The following EYA1 variants were observed in gnomAD, a reference collection of about 807,000 sequenced individuals.
EYA1 encodes EYA transcriptional coactivator and phosphatase 1, also known as protein phosphatase EYA1.
EYA1 carries 16 observed loss-of-function variants against 82.0 expected under a neutral mutation model. That is an observed-to-expected ratio of 0.20 (90% CI 0.13 to 0.30). The LOEUF is 0.30. Among genes scored for constraint, EYA1 ranks in the 10% least tolerant of loss-of-function variants. The pLI, the probability that EYA1 is intolerant of heterozygous loss-of-function variation, is 1.00. For missense variants in EYA1, 633 were observed against 730.7 expected, an observed-to-expected ratio of 0.87 and a Z score of 1.54; for synonymous variants, 261 against 264.4, an observed-to-expected ratio of 0.99 and a Z score of 0.12.
intron 2 of EYA1, among the ~76,000 whole-genome samples, chr8:71,491,149 G>C (rs192431001): frequency 6.1e-4 from 93 of 152,288 alleles, no homozygotes; most frequent in African/African-American, 2.2e-3. Flanking sequence ...CATCTGCAAG[G>C]CCATATGGCT....
chr8:71,319,784 TCTTC>T (rs1822330070), intron 6 of EYA1, among the ~76,000 whole-genome samples: 1 of 152,306 alleles, frequency 6.6e-6, no homozygotes, highest in East Asian at 1.9e-4. Flanking sequence ...AGCTATGTGC[TCTTC>T]CTTCATGAAT....
chr8:71,347,772 TAAGAA>T (rs1315063647), intron 3 of EYA1, among the ~76,000 whole-genome samples: 2 of 150,646 alleles, frequency 1.3e-5, no homozygotes, highest in Non-Finnish European at 2.9e-5. Flanking sequence ...GTTACAATGT[TAAGAA>T]AAAAGTTCCC....
intron 2 of EYA1, among the ~76,000 whole-genome samples, chr8:71,496,140 G>A (rs567601818): frequency 1.3e-5 from 2 of 152,242 alleles, no homozygotes; most frequent in East Asian, 1.9e-4. Flanking sequence ...TCTAAGAAGA[G>A]GTCATATAAT....
intron 3 of EYA1, among the ~76,000 whole-genome samples, chr8:71,344,459 A>G (rs1825492507): frequency 6.6e-6 from 1 of 152,202 alleles, no homozygotes; most frequent in Non-Finnish European, 1.5e-5. Context: ...CAAGCAGTAC[A>G]TTGTTTGCTC....
intron 2 of EYA1, among the ~76,000 whole-genome samples, chr8:71,429,998 A>T (rs1805504788): frequency 6.6e-6 from 1 of 152,216 alleles, no homozygotes; most frequent in South Asian, 2.1e-4. Flanking sequence ...CTTACTTTAA[A>T]ATGCAAGTAA....
intron 2 of EYA1, among the ~76,000 whole-genome samples, chr8:71,406,763 A>T (rs541117699): frequency 6.6e-6 from 1 of 150,400 alleles, no homozygotes; most frequent in East Asian, 2.0e-4. Context: ...CAGCAGTCTG[A>T]GATCAAACTG....
At chr8:71,412,874 C>T (rs1252822785) in intron 2 of EYA1, among the ~76,000 whole-genome samples, 3 of 152,190 alleles carry the variant, frequency 2.0e-5, no homozygotes, top group Admixed American at 1.3e-4. Flanking sequence ...TCAAGGTTCT[C>T]TTCTGATATT....
intron 9 of EYA1, among the ~76,000 whole-genome samples, chr8:71,280,229 A>G (rs867677789): frequency 6.6e-6 from 1 of 152,218 alleles, no homozygotes; most frequent in Non-Finnish European, 1.5e-5. Flanking sequence ...TGACACCAGA[A>G]AATGAGCTAA....
chr8:71,462,871 C>G (rs1808474121), intron 2 of EYA1, among the ~76,000 whole-genome samples: 1 of 152,202 alleles, frequency 6.6e-6, no homozygotes, highest in Non-Finnish European at 1.5e-5. Flanking sequence ...ACTCCTGGCA[C>G]CATTGGCTGC....
At chr8:71,321,687 C>A in intron 6 of EYA1, 47 bp downstream of exon 6, 1 of 1,605,348 alleles carries the variant, frequency 6.2e-7, no homozygotes, top group Non-Finnish European at 8.5e-7. Flanking sequence ...TGTTAATACA[C>A]GCATGCCCAT....
At chr8:71,363,456 AC>A (rs1490097969), upstream of EYA1, among the ~76,000 whole-genome samples, 1 of 152,138 alleles carries the variant, frequency 6.6e-6, no homozygotes, top group Non-Finnish European at 1.5e-5. Flanking sequence ...CTGCAAACTC[AC>A]CTAGGATTTC....
chr8:71,546,220 C>T (rs538178125), intron 1 of EYA1, among the ~76,000 whole-genome samples: 3 of 152,248 alleles, frequency 2.0e-5, no homozygotes, highest in African/African-American at 7.2e-5. Flanking sequence ...TTTCCCCATC[C>T]GAGTACCAGT....
chr8:71,519,361 TAA>T (rs776786262), intron 2 of EYA1, among the ~76,000 whole-genome samples: 69 of 152,192 alleles, frequency 4.5e-4, no homozygotes, highest in Non-Finnish European at 9.0e-4. Flanking sequence ...TTAATAAAAT[TAA>T]GATTAAAATA....
rs139429307 is a variant in EYA1 at position 71,271,754 on chromosome 8, G to A, written c.966+4C>T. ...TATTCACTTGGGTGTTGGCTATGAC[G>A]TACCTCAAGATCAGAATCTGGGGGA... On this transcript the variant is annotated splice_donor_region_variant and intron_variant, in intron 10 of 17. Coordinates refer to ENST00000340726, the MANE Select transcript of EYA1 (RefSeq NM_000503.6). The A allele has an allele frequency of 2.7e-4, 430 of 1,614,138 alleles. 1 individual carries two copies. In the East Asian group the frequency reaches 8.3e-3, roughly 31 times the overall value.
intron 11 of EYA1, among the ~76,000 whole-genome samples, chr8:71,267,796 C>T (rs1488897063): frequency 2.0e-5 from 3 of 152,196 alleles, no homozygotes; most frequent in African/African-American, 7.2e-5. Flanking sequence ...GATCCACCCG[C>T]CTTGGCCTCC....
chr8:71,308,536 G>A (rs534538953), intron 7 of EYA1, among the ~76,000 whole-genome samples: 3 of 151,668 alleles, frequency 2.0e-5, no homozygotes, highest in Non-Finnish European at 2.9e-5. Context: ...AGCAATTTTA[G>A]TTTTAAAACA....
chr8:71,425,104 C>CAAAAAAAAAAAAAAAAAAA lies in EYA1; in HGVS notation c.34-68612_34-68594dup, dbSNP rs71264555. 2.7e-5 allele frequency among the ~76,000 whole-genome samples: 2 copies of CAAAAAAAAAAAAAAAAAAA among 75,290 alleles called. 1 individual carries two copies. 49.4% of individuals were successfully genotyped at this position (75,290 alleles called of 152,430 possible). On this transcript the variant is annotated intron_variant, in intron 2 of 18. Transcript: ENST00000643681. Reference sequence around the variant, plus strand: ...TGAAACCCTGTCTCCACTAAAAATACAAAAAAAAAAAAAAAAAAAAAAAAA... The same window carrying CAAAAAAAAAAAAAAAAAAA: ...TGAAACCCTGTCTCCACTAAAAATACAAAAAAAAAAAAAAAAAAAAAAAAAAAAAAAAAAAAAAAAAAAA...
In EYA1 at chr8:71,423,237, C is replaced by A. The variant is rs73687710; in HGVS notation, c.34-66726G>T. ...GCAAAACTAAGTTGATAAAAACATT[C>A]TCAAAGATTGAATGTAAATCTCAAA... On this transcript the variant is annotated intron_variant, in intron 2 of 18. Coordinates refer to the EYA1 transcript ENST00000643681. Among the ~76,000 whole-genome samples, 911 of 152,236 alleles carry A rather than the reference C, an allele frequency of 6.0e-3. 11 individuals are homozygous for A. Among genetic ancestry groups the A allele is most frequent in the African/African-American group, 0.021 (862 of 41,552 alleles).
rs567595667 is a variant in EYA1, at chr8:71,481,369, A to G, written c.33+54375T>C. 1.2e-4 allele frequency among the ~76,000 whole-genome samples: 18 copies of G among 152,334 alleles called. No homozygotes were observed. The South Asian group carries it at 3.7e-3, about 32-fold the overall frequency. On this transcript the variant is annotated intron_variant, in intron 2 of 18. Transcript: ENST00000643681. Reference sequence around the variant, plus strand: ...GTCAATTTTAAGATGAGAGTCATTGAATGATCAGAAAAGTATTAATTATAC... The same window carrying G: ...GTCAATTTTAAGATGAGAGTCATTGGATGATCAGAAAAGTATTAATTATAC...
Sources: allele counts gnomAD v4.1 joint callset (sites outside exome capture counted in the v4.1 genomes callset), GRCh38; gene constraint gnomAD v4.1.1; transcripts MANE v1.5; gene names NCBI Gene and HGNC (gene_info 2026-07-23, HGNC 2026-07-21).